Variants in FHIT observed in about 807,000 individuals in gnomAD.
The protein encoded by FHIT is bis(5'-adenosyl)-triphosphatase.
A neutral mutation model predicts 17.9 loss-of-function variants in FHIT; 19 were observed. That is an observed-to-expected ratio of 1.06 (90% confidence interval 0.74 to 1.56). The LOEUF is 1.56. FHIT is among the 40% of genes most tolerant of loss of function. The pLI is 0.00. For synonymous variants in FHIT, 81 were observed against 69.7 expected (o/e 1.16, Z -0.81); for missense variants, 248 against 189.2 (o/e 1.31, Z -1.82).
At chr3:59,805,350 G>A (rs775011752) in intron 8 of FHIT, among the ~76,000 whole-genome samples, 1 of 152,128 alleles carries the variant, frequency 6.6e-6, no homozygotes, top group African/African-American at 2.4e-5. Flanking sequence ...CCAAAATATG[G>A]CACCTTGGCA....
chr3:60,991,427 C>A (rs1216383047), intron 3 of FHIT, among the ~76,000 whole-genome samples: 2 of 152,184 alleles, frequency 1.3e-5, no homozygotes, highest in Non-Finnish European at 2.9e-5. Context: ...AGGTTCAAAT[C>A]TCGGAAATGA....
chr3:61,212,471 A>G (rs1439965222), intron 1 of FHIT, among the ~76,000 whole-genome samples: 1 of 152,218 alleles, frequency 6.6e-6, no homozygotes, highest in Admixed American at 6.5e-5. Flanking sequence ...AAAAAGAAAC[A>G]AACAAAGCCT....
At chr3:59,869,232 T>A (rs670885) in intron 8 of FHIT, among the ~76,000 whole-genome samples, 1 of 152,124 alleles carries the variant, frequency 6.6e-6, no homozygotes, top group Non-Finnish European at 1.5e-5. Context: ...TAGGTTTTTC[T>A]CAACCAACAA....
intron 5 of FHIT, among the ~76,000 whole-genome samples, chr3:60,492,761 T>C (rs1404863440): frequency 2.0e-5 from 3 of 152,100 alleles, no homozygotes; most frequent in Non-Finnish European, 2.9e-5. Context: ...CCCGCCTCTC[T>C]CCCAATGACA....
chr3:61,019,272 T>C (rs1424165236), intron 3 of FHIT, among the ~76,000 whole-genome samples: 1 of 152,226 alleles, frequency 6.6e-6, no homozygotes, highest in Non-Finnish European at 1.5e-5. Flanking sequence ...TTGAGATTGG[T>C]TATAAAGAAT....
At chr3:60,198,200 G>C (rs192322942) in intron 5 of FHIT, among the ~76,000 whole-genome samples, 1 of 152,066 alleles carries the variant, frequency 6.6e-6, no homozygotes, top group Non-Finnish European at 1.5e-5. Flanking sequence ...CACTTGGAGA[G>C]AAATCAAATA....
intron 3 of FHIT, among the ~76,000 whole-genome samples, chr3:60,870,637 T>C (rs1422954583): frequency 6.6e-6 from 1 of 152,180 alleles, no homozygotes; most frequent in Non-Finnish European, 1.5e-5. Context: ...CTCAATTCCT[T>C]TTGTTCTCTT....
At chr3:60,279,094 A>C (rs1221693634) in intron 5 of FHIT, among the ~76,000 whole-genome samples, 1 of 152,090 alleles carries the variant, frequency 6.6e-6, no homozygotes, top group African/African-American at 2.4e-5. Context: ...TAACAAAACC[A>C]AAAGCTAATT....
chr3:60,286,568 A>C (rs1341796955), intron 5 of FHIT, among the ~76,000 whole-genome samples: 1 of 152,146 alleles, frequency 6.6e-6, no homozygotes, highest in Non-Finnish European at 1.5e-5. Flanking sequence ...TGATATTTAC[A>C]AGTTTAAACA....
At chr3:60,145,044 G>C (rs1363762056) in intron 5 of FHIT, among the ~76,000 whole-genome samples, 3 of 152,122 alleles carry the variant, frequency 2.0e-5, no homozygotes, top group Non-Finnish European at 4.4e-5. Context: ...CAATGGTCTA[G>C]GTTTATTCCA....
chr3:60,080,018 A>C (rs1703207096), intron 5 of FHIT, among the ~76,000 whole-genome samples: 2 of 152,280 alleles, frequency 1.3e-5, no homozygotes, highest in South Asian at 4.1e-4. Flanking sequence ...TAGAATGTTG[A>C]AAACTCAATC....
At chr3:61,148,026 A>G (rs1234914438) in intron 2 of FHIT, among the ~76,000 whole-genome samples, 1 of 151,772 alleles carries the variant, frequency 6.6e-6, no homozygotes, top group Non-Finnish European at 1.5e-5. Flanking sequence ...ATATAGAAAG[A>G]AGGATAGAAG....
chr3:60,594,249 A>G (rs2038186845), intron 4 of FHIT, among the ~76,000 whole-genome samples: 1 of 150,678 alleles, frequency 6.6e-6, no homozygotes, highest in East Asian at 1.9e-4. Context: ...CCAGGCCGCA[A>G]GTCAAAGCAT....
intron 5 of FHIT, among the ~76,000 whole-genome samples, chr3:60,497,605 G>C (rs78456488): frequency 0.012 from 1,847 of 152,214 alleles, 22 homozygotes; most frequent in East Asian, 0.042. Flanking sequence ...AGCTATAAAA[G>C]GAAGACTGTG....
At chr3:61,237,336 G>A (rs532541028) in intron 1 of FHIT, among the ~76,000 whole-genome samples, 6 of 152,252 alleles carry the variant, frequency 3.9e-5, no homozygotes, top group East Asian at 3.9e-4. Flanking sequence ...AAGTGTTTAT[G>A]AGAAGCCATT....
At chr3:60,294,061 T>A (rs1172013061) in intron 5 of FHIT, among the ~76,000 whole-genome samples, 1 of 152,130 alleles carries the variant, frequency 6.6e-6, no homozygotes, top group Non-Finnish European at 1.5e-5. Context: ...ATGAGTCCTT[T>A]TCAACATTTT....
In FHIT at chr3:60,657,472, A is replaced by T. The variant is rs1032602219; in HGVS notation, c.-17-120493T>A. 2.6e-5 allele frequency among the ~76,000 whole-genome samples: 4 copies of T among 152,156 alleles called. No homozygotes were observed. In the South Asian group the frequency reaches 8.3e-4, roughly 32 times the overall value. On this transcript the variant is annotated intron_variant, in intron 4 of 9. Transcript: ENST00000492590. ...GGGTCCTTTGATTTCTCATTTTGCA[A>T]ACTTAGGTGTCTGGCAGATAGTCAA...
At chr3:61,151,231 C>T (rs2037377593) in intron 2 of FHIT, among the ~76,000 whole-genome samples, 2 of 152,176 alleles carry the variant, frequency 1.3e-5, no homozygotes, top group African/African-American at 4.8e-5. Flanking sequence ...TATGCATCAA[C>T]ATAAGACATG....
At position 61,044,415 on chromosome 3, in the gene FHIT, A is replaced by G. The variant is rs576426790; in HGVS notation, c.-163-2316T>C. Among the ~76,000 whole-genome samples, 12 of 152,314 alleles carry G rather than the reference A, an allele frequency of 7.9e-5. No individual in the cohort carries two copies. The South Asian group carries it at 2.5e-3, about 32-fold the overall frequency. The stretch of plus-strand genomic sequence containing the variant: ...AAGACCAAATGAATGAAATGAAGTG[A>G]GAAGAGAAGTTTAGAGAAAAAAGAG... On this transcript the variant is annotated intron_variant, in intron 2 of 9. Coordinates refer to ENST00000492590, the MANE Select transcript of FHIT (RefSeq NM_002012.4).
Sources: gnomAD v4.1 joint callset for allele counts (sites outside exome capture counted in the v4.1 genomes callset) on GRCh38, gnomAD v4.1.1 for gene constraint, MANE v1.5 for transcripts, NCBI Gene and HGNC (gene_info 2026-07-23, HGNC 2026-07-21) for gene names.